Variants in WIPF1 observed in about 807,000 individuals in gnomAD.
The protein encoded by WIPF1 is WAS/WASL interacting protein family member 1.
Under a neutral mutation model 35.4 loss-of-function variants are expected in WIPF1, and 13 were observed. The observed-to-expected ratio is 0.37, with a 90% confidence interval of 0.24 to 0.58. The LOEUF is 0.58. Among genes scored for constraint, WIPF1 ranks in the 20% least tolerant of loss-of-function variants. WIPF1 has a pLI of 0.74. For synonymous variants in WIPF1, 267 were observed against 266.3 expected (o/e 1.00, Z -0.02); for missense variants, 591 against 667.0 (o/e 0.89, Z 1.25).
At chr2:174,587,276 C>T (rs1055610637) in intron 1 of WIPF1, among the ~76,000 whole-genome samples, 1 of 152,158 alleles carries the variant, frequency 6.6e-6, no homozygotes, top group African/African-American at 2.4e-5. Flanking sequence ...CTTAGCCTCC[C>T]ATAGTGCTGG....
chr2:174,648,718 T>C (rs1559172037), intron 1 of WIPF1, among the ~76,000 whole-genome samples: 1 of 152,046 alleles, frequency 6.6e-6, no homozygotes, highest in Non-Finnish European at 1.5e-5. Flanking sequence ...AGGGGGAAAA[T>C]AGGTTGTGAC....
chr2:174,637,768 T>C (rs1687216188), intron 1 of WIPF1, among the ~76,000 whole-genome samples: 1 of 152,154 alleles, frequency 6.6e-6, no homozygotes, highest in South Asian at 2.1e-4. Flanking sequence ...GCCTGGGCGA[T>C]GGAGCGAGAC....
chr2:174,602,586 A>G (rs1294731185), upstream of WIPF1, among the ~76,000 whole-genome samples: 1 of 152,226 alleles, frequency 6.6e-6, no homozygotes, highest in Non-Finnish European at 1.5e-5. Context: ...AGTTGTAAGA[A>G]TCTATTTTCA....
At chr2:174,634,152 C>T (rs1412386322) in intron 1 of WIPF1, among the ~76,000 whole-genome samples, 2 of 152,192 alleles carry the variant, frequency 1.3e-5, no homozygotes, top group African/African-American at 4.8e-5. Flanking sequence ...GAATGCCCCA[C>T]AGATGTCTGC....
chr2:174,569,499 A>G (rs1480066413), intron 5 of WIPF1, among the ~76,000 whole-genome samples: 1 of 152,202 alleles, frequency 6.6e-6, no homozygotes, highest in African/African-American at 2.4e-5. Flanking sequence ...GGGGCCCTGT[A>G]CTACGTAACT....
intron 1 of WIPF1, among the ~76,000 whole-genome samples, chr2:174,647,360 A>C (rs1687431856): frequency 1.3e-5 from 2 of 151,634 alleles, no homozygotes; most frequent in Admixed American, 1.3e-4. Flanking sequence ...CCTGGGCGAC[A>C]CAGTGAGATG....
chr2:174,659,966 C>T (rs1008919751), intron 1 of WIPF1, among the ~76,000 whole-genome samples: 5 of 152,110 alleles, frequency 3.3e-5, no homozygotes, highest in Non-Finnish European at 5.9e-5. Flanking sequence ...ATTAATAGTG[C>T]GCCCTTGCCT....
At chr2:174,669,868 A>C (rs1687970880) in intron 1 of WIPF1, among the ~76,000 whole-genome samples, 1 of 152,220 alleles carries the variant, frequency 6.6e-6, no homozygotes, top group South Asian at 2.1e-4. Flanking sequence ...AGCATGAAAC[A>C]CTACTTTAAA....
intron 1 of WIPF1, among the ~76,000 whole-genome samples, chr2:174,648,097 C>T (rs547918712): frequency 2.6e-5 from 4 of 152,314 alleles, no homozygotes; most frequent in African/African-American, 9.6e-5. Context: ...TGGCCGCAGA[C>T]AGGCTGACTT....
chr2:174,595,811 CAG>C (rs1685804767), intron 1 of WIPF1, among the ~76,000 whole-genome samples: 1 of 152,170 alleles, frequency 6.6e-6, no homozygotes, highest in South Asian at 2.1e-4. Context: ...TCAGGACAGA[CAG>C]AGGTATTTAT....
intron 7 of WIPF1, among the ~76,000 whole-genome samples, chr2:174,562,905 C>G (rs1260960211): frequency 6.6e-6 from 1 of 152,154 alleles, no homozygotes; most frequent in Non-Finnish European, 1.5e-5. Context: ...TGAGTAAAAA[C>G]AAAGAACTCA....
chr2:174,650,666 AAC>A (rs1388515953), intron 1 of WIPF1, among the ~76,000 whole-genome samples: 1 of 152,240 alleles, frequency 6.6e-6, no homozygotes, highest in Non-Finnish European at 1.5e-5. Context: ...CAATATTTTA[AAC>A]AGAGAAACAG....
intron 1 of WIPF1, among the ~76,000 whole-genome samples, chr2:174,669,509 G>A (rs1687961015): frequency 6.6e-6 from 1 of 152,218 alleles, no homozygotes; most frequent in Non-Finnish European, 1.5e-5. Flanking sequence ...GCAATAAAGA[G>A]GGTAAATTGC....
rs561800755 is a variant in WIPF1 at position 174,568,136 on chromosome 2, A to G, written c.1130-63T>C. ...TCCACATTCCATTACCGTGGTCACC[A>G]TTGGTGTACAGCTGATGAGGACTTG... On this transcript the variant is annotated intron_variant, in intron 5 of 7. Transcript: ENST00000679041. 3.7e-5 allele frequency: 57 copies of G among 1,527,240 alleles called. No homozygotes were observed. The South Asian group carries it at 6.4e-4, about 17-fold the overall frequency. The allele number at this position is 1,527,240 out of a possible 1,614,324, so 94.6% of individuals were successfully genotyped here. A position where few individuals can be genotyped will look rare whatever the true frequency, so the allele number is the denominator to read the frequency against.
At chr2:174,597,833 GTTGT>G (rs1406023117), upstream of WIPF1, 3 of 152,394 alleles carry the variant, frequency 2.0e-5, no homozygotes, top group Non-Finnish European at 4.4e-5. Flanking sequence ...TGATTAATTT[GTTGT>G]TTGTTGTTCC....
At chr2:174,648,823 T>C (rs914182311) in intron 1 of WIPF1, among the ~76,000 whole-genome samples, 6 of 152,166 alleles carry the variant, frequency 3.9e-5, no homozygotes, top group African/African-American at 1.4e-4. Context: ...TTTAGGGTTA[T>C]AAAAACAAAA....
In WIPF1 at chr2:174,615,875, A is replaced by G. The variant is rs372127462; in HGVS notation, c.-38-30264T>C. On this transcript the variant is annotated intron_variant, in intron 1 of 8. Transcript: ENST00000272746. Reference sequence around the variant, plus strand: ...AACAAAGTGCTGTTTTCTACTGCTGAGCTCAGATGACAGCCCACCCTCTAT... The same window carrying G: ...AACAAAGTGCTGTTTTCTACTGCTGGGCTCAGATGACAGCCCACCCTCTAT... Among the ~76,000 whole-genome samples the G allele has an allele frequency of 6.7e-4, 102 of 152,316 alleles. 1 individual carries two copies. The South Asian group carries it at 0.02, about 30-fold the overall frequency.
chr2:174,647,052 T>G (rs544528127), intron 1 of WIPF1, among the ~76,000 whole-genome samples: 17 of 152,270 alleles, frequency 1.1e-4, no homozygotes, highest in African/African-American at 3.6e-4. Flanking sequence ...AAGGGTACTT[T>G]GAGCCTGGAG....
At chr2:174,573,341 G>A (rs1352923372) in intron 4 of WIPF1, among the ~76,000 whole-genome samples, 2 of 151,734 alleles carry the variant, frequency 1.3e-5, no homozygotes, top group African/African-American at 4.8e-5. Context: ...CACTTGCTAT[G>A]CGCCTGCCAT....
Sources: allele counts gnomAD v4.1 joint callset (sites outside exome capture counted in the v4.1 genomes callset), GRCh38; gene constraint gnomAD v4.1.1; transcripts MANE v1.5; gene names NCBI Gene and HGNC (gene_info 2026-07-23, HGNC 2026-07-21).